The following FAM83F variants were observed in gnomAD, a reference collection of about 807,000 sequenced individuals.
The protein encoded by FAM83F is scaffolding CK1 anchoring protein F.
FAM83F carries 45 observed loss-of-function variants against 42.9 expected under a neutral mutation model. The ratio of observed to expected loss-of-function variants is 1.05; its 90% CI spans 0.83 to 1.35. FAM83F has a LOEUF of 1.35. FAM83F is among the 40% of genes most tolerant of loss of function. The pLI, the probability that FAM83F is intolerant of heterozygous loss-of-function variation, is 0.00. For synonymous variants in FAM83F, 306 were observed against 298.3 expected (o/e 1.03, Z -0.27); for missense variants, 617 against 695.9 (o/e 0.89, Z 1.28).
intron 1 of FAM83F, among the ~76,000 whole-genome samples, chr22:40,000,313 G>T (rs2067393007): frequency 6.6e-6 from 1 of 152,184 alleles, no homozygotes; most frequent in African/African-American, 2.4e-5. Flanking sequence ...GGCATGGCTG[G>T]CTGAGGTTAG....
chr22:39,999,415 C>T (rs539202021), intron 1 of FAM83F, among the ~76,000 whole-genome samples: 10 of 152,298 alleles, frequency 6.6e-5, no homozygotes, highest in African/African-American at 1.9e-4. Flanking sequence ...TTACCACATC[C>T]GCTTCTCAAA....
Position 40,029,803 on chromosome 22 carries a change from C to T in FAM83F, c.*238C>T. ...GGGCAGGGGTCAGTGCCACGGCCTCCTTGTTTACATGAAGTGGAAGCTTGA... is the reference window on the plus strand; with the variant it reads ...GGGCAGGGGTCAGTGCCACGGCCTCTTTGTTTACATGAAGTGGAAGCTTGA... On this transcript the variant is annotated 3_prime_UTR_variant, in exon 5 of 5. Coordinates refer to ENST00000333407, the MANE Select transcript of FAM83F (RefSeq NM_138435.4). The T allele has an allele frequency of 1.9e-6, 1 of 526,992 alleles. No homozygotes were observed. The highest frequency in any genetic ancestry group is 3.4e-5 in the East Asian group (1 of 29,024). 32.6% of individuals were successfully genotyped at this position (526,992 alleles called of 1,614,324 possible).
chr22:39,998,628 G>A (rs2067382457), intron 1 of FAM83F, among the ~76,000 whole-genome samples: 1 of 152,128 alleles, frequency 6.6e-6, no homozygotes, highest in Non-Finnish European at 1.5e-5. Flanking sequence ...TGTACCCTGG[G>A]CCTCTGCAAA....
chr22:40,005,696 G>C (rs374460025), intron 1 of FAM83F, among the ~76,000 whole-genome samples: 3 of 152,240 alleles, frequency 2.0e-5, no homozygotes, highest in Non-Finnish European at 4.4e-5. Context: ...GCAGCAGGGA[G>C]ACCTGACCTG....
rs2067370935 is a variant in FAM83F, at chr22:39,995,654, A to G, written c.489+123A>G. The stretch of plus-strand genomic sequence containing the variant: ...GAGCACCCTCTGGAAAATGGGCCCC[A>G]ACCCGCCCCTACTTCCTGGGGCTGC... On this transcript the variant is annotated intron_variant, in intron 1 of 4. Transcript: ENST00000333407. This position sits in a 1 kb window ranked among gnomAD's most constrained non-coding sequence, Gnocchi z 4.6. The G allele has an allele frequency of 1.4e-6, 2 of 1,403,786 alleles. No homozygotes were observed. 87.0% of individuals were successfully genotyped at this position (1,403,786 alleles called of 1,614,324 possible).
Position 39,994,992 on chromosome 22 carries a change from C to A in FAM83F, c.-51C>A. On this transcript the variant is annotated 5_prime_UTR_variant, in exon 1 of 5. Coordinates refer to ENST00000333407, the MANE Select transcript of FAM83F (RefSeq NM_138435.4). ...GCGGCTCCAGGTGCGGCTGTGGGAC[C>A]TCGGACCGCGGCGGGGCCGGGGCCA... The A allele has an allele frequency of 8.1e-7, 1 of 1,231,640 alleles. No individual in the cohort carries two copies. Among genetic ancestry groups the A allele is most frequent in the Non-Finnish European group, 1.0e-6 (1 of 988,558 alleles). The allele number at this position is 1,231,640 out of a possible 1,614,324, so 76.3% of individuals were successfully genotyped here. A position where few individuals can be genotyped will look rare whatever the true frequency, so the allele number is the denominator to read the frequency against.
intron 4 of FAM83F, 113 bp from the exon 5 acceptor site, chr22:40,029,403 T>G: frequency 7.1e-7 from 1 of 1,403,184 alleles, no homozygotes; most frequent in Non-Finnish European, 9.6e-7. Flanking sequence ...AGGGAGACAG[T>G]GACCCCAGCC....
Position 39,995,565 on chromosome 22 carries a change from A to T in FAM83F, c.489+34A>T. On this transcript the variant is annotated intron_variant, in intron 1 of 4. Transcript: ENST00000333407. The surrounding 1 kb of genome is among the most constrained non-coding windows in gnomAD (Gnocchi z 4.6). ...CCGCCTTCGCCCCCACACCGCTGGG[A>T]CCTCGGCCCCAGTCCCCTGGACCGG... 3 of 1,513,560 alleles carry T rather than the reference A, an allele frequency of 2.0e-6. No homozygotes were observed. Among genetic ancestry groups the T allele is most frequent in the Non-Finnish European group, 1.8e-6 (2 of 1,124,130 alleles). 93.8% of individuals were successfully genotyped at this position (1,513,560 alleles called of 1,614,324 possible).
intron 1 of FAM83F, among the ~76,000 whole-genome samples, chr22:39,997,523 C>G (rs2067377931): frequency 6.6e-6 from 1 of 152,204 alleles, no homozygotes; most frequent in Admixed American, 6.5e-5. Flanking sequence ...TGGCTTTGCC[C>G]TCCAAGAGCT....
rs1352415101 is a variant in FAM83F at position 40,042,070 on chromosome 22, C to G, written c.*12505C>G. 2 of 152,130 alleles carry G rather than the reference C, an allele frequency of 1.3e-5. No homozygotes were observed. Among genetic ancestry groups the G allele is most frequent in the Non-Finnish European group, 2.9e-5 (2 of 68,044 alleles). 9.4% of individuals were successfully genotyped at this position (152,130 alleles called of 1,614,324 possible). ...AGAAATGGGCTCTGCCTGTGTTGCTCTAGCTAGTCTCAAGCTCCTGGCCTC... is the reference window on the plus strand; with the variant it reads ...AGAAATGGGCTCTGCCTGTGTTGCTGTAGCTAGTCTCAAGCTCCTGGCCTC... On this transcript the variant is annotated 3_prime_UTR_variant, in exon 5 of 5. Coordinates refer to ENST00000333407, the MANE Select transcript of FAM83F (RefSeq NM_138435.4).
intron 4 of FAM83F, among the ~76,000 whole-genome samples, chr22:40,025,807 A>C (rs2067548766): frequency 1.3e-5 from 2 of 152,062 alleles, no homozygotes; most frequent in African/African-American, 4.8e-5. Flanking sequence ...TAGGGCCCTC[A>C]TTTTCCAGTG....
chr22:40,014,641 TTTC>T (rs1395798252), intron 1 of FAM83F, among the ~76,000 whole-genome samples: 11 of 152,234 alleles, frequency 7.2e-5, no homozygotes, highest in Admixed American at 6.5e-4. Context: ...TCTGTAGTAA[TTTC>T]TTCTTTTTCA....
intron 1 of FAM83F, among the ~76,000 whole-genome samples, chr22:40,013,343 C>T (rs2067477373): frequency 6.6e-6 from 1 of 152,196 alleles, no homozygotes; most frequent in Admixed American, 6.5e-5. Context: ...AGCCAGCTTT[C>T]CCAGTTGCAT....
chr22:40,013,082 CAAAAAAAAA>C (rs754625979), intron 1 of FAM83F, among the ~76,000 whole-genome samples: 13 of 46,408 alleles, frequency 2.8e-4, no homozygotes, highest in South Asian at 1.1e-3. Context: ...GACTCCGTTT[CAAAAAAAAA>C]AAAAAAAAAA....
rs1469910213 is a variant in FAM83F, at chr22:39,995,727, A to T, written c.489+196A>T. Among the ~76,000 whole-genome samples, 2 of 152,220 alleles carry T rather than the reference A, an allele frequency of 1.3e-5. No homozygotes were observed. Among genetic ancestry groups the T allele is most frequent in the African/African-American group, 4.8e-5 (2 of 41,554 alleles). The stretch of plus-strand genomic sequence containing the variant: ...GCTGGGAACGTGTTTGGCAAATTAC[A>T]AGGTGCTGGACAGATGTCAGCCGTC... On this transcript the variant is annotated intron_variant, in intron 1 of 4. Transcript: ENST00000333407. This position sits in a 1 kb window ranked among gnomAD's most constrained non-coding sequence, Gnocchi z 4.6.
At chr22:40,024,694 C>G (rs2067541158) in intron 4 of FAM83F, among the ~76,000 whole-genome samples, 1 of 152,166 alleles carries the variant, frequency 6.6e-6, no homozygotes, top group Non-Finnish European at 1.5e-5. Context: ...CAGATTCTGC[C>G]TCTGTTCTTT....
chr22:40,011,203 G>GT (rs1208535694), intron 1 of FAM83F, among the ~76,000 whole-genome samples: 2 of 152,016 alleles, frequency 1.3e-5, no homozygotes, highest in Non-Finnish European at 2.9e-5. Flanking sequence ...GTTTTGTTTT[G>GT]TTTTTTGAGA....
rs115837035 is a variant in FAM83F, at chr22:40,021,368, G to A, written c.858G>A (p.Thr286=). The A allele has an allele frequency of 1.3e-4, 215 of 1,611,426 alleles. No individual in the cohort carries two copies. In the African/African-American group the frequency reaches 1.8e-3, roughly 14 times the overall value. The part of the protein sequence containing the change: ...LTGQNVEPFD[T]EFRELYAISE... ...GACAGAACGTAGAGCCCTTTGACAC[G>A]GAGTTCCGGGAGCTGTACGCCATCT... Residue 286 remains threonine, a synonymous_variant, in exon 4 of 5, where the codon ACG becomes ACA. Transcript: ENST00000333407. This position sits in a 1 kb window ranked among gnomAD's most constrained non-coding sequence, Gnocchi z 8.7.
At position 39,995,454 on chromosome 22, in the gene FAM83F, T is replaced by C; in HGVS notation, c.412T>C (p.Phe138Leu). ...FYRGVSRVTL[F>L]THPPKDEKAP... is the part of the protein sequence containing the mutation. ...CCGCGGCGTGAGCCGGGTCACGCTC[T>C]TCACCCACCCGCCCAAGGACGAGAA... The change falls in exon 1 of 5, where the codon TTC becomes CTC. Residue 138 changes from phenylalanine (F) to leucine (L), a missense_variant. Physicochemically the swap from Phe to Leu is conservative, Grantham distance 22. Transcript: ENST00000333407. This position sits in a 1 kb window ranked among gnomAD's most constrained non-coding sequence, Gnocchi z 4.6. 6.4e-7 allele frequency: 1 copy of C among 1,566,870 alleles called. No individual in the cohort carries two copies. The highest frequency in any genetic ancestry group is 8.7e-7 in the Non-Finnish European group (1 of 1,155,638).
Sources: gnomAD v4.1 joint callset for allele counts (sites outside exome capture counted in the v4.1 genomes callset) on GRCh38, gnomAD v4.1.1 for gene constraint, Gnocchi (gnomAD v3.1) non-coding constraint, MANE v1.5 for transcripts, NCBI Gene and HGNC (gene_info 2026-07-23, HGNC 2026-07-21) for gene names.